GNA12: variants seen among roughly 807,000 people sequenced by gnomAD.
GNA12 encodes the protein G protein subunit alpha 12, also known as guanine nucleotide-binding protein subunit alpha-12.
In GNA12, 9 loss-of-function variants were observed where a neutral mutation model predicts 26.0. The ratio of observed to expected loss-of-function variants is 0.35; its 90% CI spans 0.21 to 0.60. GNA12 has a LOEUF of 0.60. Among genes scored for constraint, GNA12 ranks in the 20% least tolerant of loss-of-function variants. The probability of loss-of-function intolerance (pLI) is 0.78; values close to 1 mark genes in which losing one functional copy is unlikely to be tolerated. For synonymous variants in GNA12, 264 were observed against 219.6 expected (o/e 1.20, Z -1.79); for missense variants, 405 against 525.8 (o/e 0.77, Z 2.25).
intron 2 of GNA12, among the ~76,000 whole-genome samples, chr7:2,782,823 T>C (rs1792264194): frequency 6.6e-6 from 1 of 152,160 alleles, no homozygotes. Flanking sequence ...CCTCCTGACC[T>C]TTTATATTCT....
At chr7:2,759,282 T>G (rs1791449308) in intron 2 of GNA12, among the ~76,000 whole-genome samples, 1 of 152,210 alleles carries the variant, frequency 6.6e-6, no homozygotes, top group South Asian at 2.1e-4. Context: ...TACATGAAGT[T>G]AAAACACAGG....
At chr7:2,827,538 C>A (rs1426440863) in intron 1 of GNA12, among the ~76,000 whole-genome samples, 1 of 152,152 alleles carries the variant, frequency 6.6e-6, no homozygotes, top group Non-Finnish European at 1.5e-5. Flanking sequence ...GGAATAACCA[C>A]CAAACTGACT....
At chr7:2,734,847 C>G (rs140577408) in intron 2 of GNA12, among the ~76,000 whole-genome samples, 1 of 152,200 alleles carries the variant, frequency 6.6e-6, no homozygotes, top group Non-Finnish European at 1.5e-5. Flanking sequence ...CACCGGCTCT[C>G]TAGAGCCCCA....
intron 2 of GNA12, among the ~76,000 whole-genome samples, chr7:2,767,634 C>T (rs1443569248): frequency 3.3e-5 from 5 of 152,166 alleles, no homozygotes; most frequent in East Asian, 3.8e-4. Context: ...TCTTGGCTGG[C>T]GCGTTTCAAG....
chr7:2,785,512 G>A (rs1792335906), intron 2 of GNA12, among the ~76,000 whole-genome samples: 1 of 152,186 alleles, frequency 6.6e-6, no homozygotes, highest in African/African-American at 2.4e-5. Flanking sequence ...CCAAAACTAA[G>A]AAAGTAAATT....
intron 1 of GNA12, among the ~76,000 whole-genome samples, chr7:2,831,523 C>G (rs1426978705): frequency 6.6e-6 from 1 of 151,754 alleles, no homozygotes; most frequent in Non-Finnish European, 1.5e-5. Context: ...CCTGCCTCAG[C>G]CTCCCGAGTA....
intron 2 of GNA12, among the ~76,000 whole-genome samples, chr7:2,733,765 T>C (rs1301248703): frequency 6.6e-6 from 1 of 152,240 alleles, no homozygotes; most frequent in Non-Finnish European, 1.5e-5. Context: ...TTTTGGTGTG[T>C]GGTGCGATGC....
chr7:2,796,721 G>A (rs757787), intron 1 of GNA12, among the ~76,000 whole-genome samples: 75,589 of 151,946 alleles, frequency 0.5, 19,381 homozygotes, highest in Admixed American at 0.56. Flanking sequence ...CATTGTTAAA[G>A]ATAAAGTTAA....
intron 2 of GNA12, among the ~76,000 whole-genome samples, chr7:2,791,555 G>T (rs1210151201): frequency 6.6e-6 from 1 of 152,218 alleles, no homozygotes; most frequent in African/African-American, 2.4e-5. Flanking sequence ...ACAGGGAGGC[G>T]CCTAGTACCT....
In GNA12 at chr7:2,843,804, G is replaced by A. The variant is rs759230088; in HGVS notation, c.309+49C>T. The A allele has an allele frequency of 2.0e-5, 22 of 1,117,498 alleles. No individual in the cohort carries two copies. The African/African-American group carries it at 3.5e-4, about 18-fold the overall frequency. The allele number at this position is 1,117,498 out of a possible 1,614,324, so 69.2% of individuals were successfully genotyped here. ...ACGGAGGGGCCCGGGGCGGGGGTTAGCGCCCCGGCCCACCTGGGTGCAGGT... is the reference window on the plus strand; with the variant it reads ...ACGGAGGGGCCCGGGGCGGGGGTTAACGCCCCGGCCCACCTGGGTGCAGGT... On this transcript the variant is annotated intron_variant, in intron 1 of 3. Transcript: ENST00000275364.
chr7:2,729,946 C>A lies in GNA12; in HGVS notation c.*1235G>T, dbSNP rs1435534148. ...ATTCACAGGCTCCCGCGGGCTCCCC[C>A]AGGACAGCGGCATCCGAGAGTGTTT... On this transcript the variant is annotated 3_prime_UTR_variant, in exon 4 of 4. Transcript: ENST00000275364. 6.6e-6 allele frequency: 1 copy of A among 152,370 alleles called. No individual in the cohort carries two copies. Among genetic ancestry groups the A allele is most frequent in the Non-Finnish European group, 1.5e-5 (1 of 68,108 alleles). 9.4% of individuals were successfully genotyped at this position (152,370 alleles called of 1,614,324 possible). A position where few individuals can be genotyped will look rare whatever the true frequency, so the allele number is the denominator to read the frequency against.
intron 1 of GNA12, among the ~76,000 whole-genome samples, chr7:2,813,810 T>C (rs1406716396): frequency 1.3e-5 from 2 of 152,148 alleles, no homozygotes; most frequent in Non-Finnish European, 2.9e-5. Context: ...TTAATTTCAC[T>C]GAACTGGGCC....
chr7:2,767,779 G>A (rs770763834), intron 2 of GNA12, among the ~76,000 whole-genome samples: 18 of 152,172 alleles, frequency 1.2e-4, no homozygotes, highest in Admixed American at 2.6e-4. Context: ...AATCCTCATC[G>A]TAAATAAAAT....
intron 2 of GNA12, among the ~76,000 whole-genome samples, chr7:2,737,347 G>A (rs1238428457): frequency 7.7e-6 from 1 of 130,088 alleles, no homozygotes; most frequent in Non-Finnish European, 1.5e-5. Flanking sequence ...GGAGTGCAGT[G>A]GTGTGATCTT....
intron 1 of GNA12, chr7:2,815,174 G>C: frequency 1.9e-6 from 1 of 524,158 alleles, no homozygotes; most frequent in Non-Finnish European, 3.3e-6. Flanking sequence ...AGGAACATCG[G>C]CGAGGTGCCT....
intron 1 of GNA12, among the ~76,000 whole-genome samples, chr7:2,795,739 G>C (rs1312590498): frequency 6.6e-6 from 1 of 151,210 alleles, no homozygotes; most frequent in Non-Finnish European, 1.5e-5. Context: ...CTGGAAAAAA[G>C]ACAACTGGGC....
chr7:2,832,165 G>C (rs1031019130), intron 1 of GNA12, among the ~76,000 whole-genome samples: 1 of 152,152 alleles, frequency 6.6e-6, no homozygotes, highest in Non-Finnish European at 1.5e-5. Flanking sequence ...ATGGACAGTC[G>C]AAAGGCCTCT....
chr7:2,744,794 C>G (rs2115341207), intron 2 of GNA12, among the ~76,000 whole-genome samples: 1 of 152,174 alleles, frequency 6.6e-6, no homozygotes. Context: ...AAATGGATAA[C>G]TAGAATAACC....
At chr7:2,779,053 A>G (rs1040032498) in intron 2 of GNA12, among the ~76,000 whole-genome samples, 1 of 152,228 alleles carries the variant, frequency 6.6e-6, no homozygotes, top group African/African-American at 2.4e-5. Flanking sequence ...CTATCTCTAC[A>G]AAAAATAAAA....
Sources: gnomAD v4.1 joint callset for allele counts (sites outside exome capture counted in the v4.1 genomes callset) on GRCh38, gnomAD v4.1.1 for gene constraint, MANE v1.5 for transcripts, NCBI Gene and HGNC (gene_info 2026-07-23, HGNC 2026-07-21) for gene names.